KCNH8: variants seen among roughly 807,000 people sequenced by gnomAD.
The protein encoded by KCNH8 is voltage-gated delayed rectifier potassium channel KCNH8.
KCNH8 carries 70 observed loss-of-function variants against 103.6 expected under a neutral mutation model. That is an observed-to-expected ratio of 0.68 (90% CI 0.56 to 0.82). The LOEUF (loss-of-function observed/expected upper bound fraction) is 0.82, where lower values mean the gene tolerates loss of function less well. KCNH8 is among the 40% of genes least tolerant of loss of function. The pLI is 0.00. For missense variants in KCNH8, 1,217 were observed against 1,329.9 expected (o/e 0.92, Z 1.32); for synonymous variants, 498 against 489.4 (o/e 1.02, Z -0.23).
chr3:19,467,153 G>C lies in KCNH8; in HGVS notation c.2040+10171G>C, dbSNP rs114716113. On this transcript the variant is annotated intron_variant, in intron 11 of 15. Transcript: ENST00000328405. The stretch of plus-strand genomic sequence containing the variant: ...TTTGGAAGTGGTCTGAGGTATGCCT[G>C]TATCATAACTCAGTTTCAGGGGATT... 9.4e-3 allele frequency among the ~76,000 whole-genome samples: 1,437 copies of C among 152,164 alleles called. 16 individuals are homozygous for C. The highest frequency in any genetic ancestry group is 0.032 in the African/African-American group (1,329 of 41,492).
At chr3:19,480,741 A>G (rs1349520082) in intron 11 of KCNH8, among the ~76,000 whole-genome samples, 5 of 152,202 alleles carry the variant, frequency 3.3e-5, no homozygotes, top group Non-Finnish European at 5.9e-5. Flanking sequence ...GTTTGAGAAA[A>G]AAAGAGTTGT....
At chr3:19,454,500 A>G (rs1427989245) in intron 10 of KCNH8, among the ~76,000 whole-genome samples, 1 of 152,124 alleles carries the variant, frequency 6.6e-6, no homozygotes, top group Non-Finnish European at 1.5e-5. Flanking sequence ...CTAAACAGAC[A>G]TAATGTGTAT....
intron 1 of KCNH8, among the ~76,000 whole-genome samples, chr3:19,180,861 G>A (rs1383325876): frequency 6.6e-6 from 1 of 152,052 alleles, no homozygotes; most frequent in Non-Finnish European, 1.5e-5. Context: ...CTGCTCACAA[G>A]TAATTGTCAT....
chr3:19,429,162 CTTTTTTTTTTTT>C (rs575154927), intron 7 of KCNH8, among the ~76,000 whole-genome samples: 2 of 89,878 alleles, frequency 2.2e-5, no homozygotes, highest in Admixed American at 1.3e-4. Flanking sequence ...AGAATCCACT[CTTTTTTTTTTTT>C]TTTTTTTTTT....
At chr3:19,328,188 A>C (rs114046943) in intron 3 of KCNH8, among the ~76,000 whole-genome samples, 1 of 152,266 alleles carries the variant, frequency 6.6e-6, no homozygotes, top group African/African-American at 2.4e-5. Context: ...CTGTTCTCTT[A>C]TGCTGGATGC....
chr3:19,415,103 A>G (rs2079427921), intron 7 of KCNH8, among the ~76,000 whole-genome samples: 1 of 151,966 alleles, frequency 6.6e-6, no homozygotes, highest in Non-Finnish European at 1.5e-5. Flanking sequence ...AATATTTGGC[A>G]TTATTTTGTC....
At chr3:19,466,499 A>C (rs1367090120) in intron 11 of KCNH8, among the ~76,000 whole-genome samples, 1 of 151,924 alleles carries the variant, frequency 6.6e-6, no homozygotes, top group Non-Finnish European at 1.5e-5. Flanking sequence ...TTGTTGTTTT[A>C]TTTTCAGAAA....
At chr3:19,453,967 A>ACC (rs1278278451) in intron 10 of KCNH8, among the ~76,000 whole-genome samples, 20 of 152,118 alleles carry the variant, frequency 1.3e-4, no homozygotes, top group Admixed American at 5.9e-4. Flanking sequence ...ACTTAGAGTA[A>ACC]AGGTAGGGTT....
chr3:19,259,092 T>C (rs1434056828), intron 2 of KCNH8, among the ~76,000 whole-genome samples: 1 of 150,748 alleles, frequency 6.6e-6, no homozygotes, highest in Non-Finnish European at 1.5e-5. Context: ...TGAGTTTTGA[T>C]AAGGTTGTGG....
At chr3:19,286,215 C>T (rs1044738807) in intron 3 of KCNH8, among the ~76,000 whole-genome samples, 2 of 152,152 alleles carry the variant, frequency 1.3e-5, no homozygotes, top group African/African-American at 2.4e-5. Context: ...TGAACTGATT[C>T]GTGTCACTCC....
intron 1 of KCNH8, among the ~76,000 whole-genome samples, chr3:19,204,617 G>A (rs2063695960): frequency 6.6e-6 from 1 of 151,710 alleles, no homozygotes; most frequent in African/African-American, 2.4e-5. Context: ...AGGTTGGGGA[G>A]GGAAGCATAA....
At chr3:19,532,451 G>T (rs1291590276) in intron 15 of KCNH8, among the ~76,000 whole-genome samples, 1 of 152,086 alleles carries the variant, frequency 6.6e-6, no homozygotes, top group Non-Finnish European at 1.5e-5. Flanking sequence ...AGCAAATCTG[G>T]TATGAGTTAT....
rs1408217403 is a variant in KCNH8, at chr3:19,347,799, G to A, written c.645G>A (p.Leu215=). 6.2e-6 allele frequency: 10 copies of A among 1,613,224 alleles called. No individual in the cohort carries two copies. The highest frequency in any genetic ancestry group is 5.0e-5 in the Admixed American group (3 of 59,916). ...CAAAAAAGTCCAAATTCATACTTCTGCATTTTAGCACTTTTAAAGCTGGCT... is the reference window on the plus strand; with the variant it reads ...CAAAAAAGTCCAAATTCATACTTCTACATTTTAGCACTTTTAAAGCTGGCT... ...SDAKKSKFIL[L]HFSTFKAGWD... Residue 215 remains leucine, a synonymous_variant, in exon 5 of 16, where the codon CTG becomes CTA. Coordinates refer to ENST00000328405, the MANE Select transcript of KCNH8 (RefSeq NM_144633.3).
chr3:19,255,612 A>T (rs2064336714), intron 2 of KCNH8, among the ~76,000 whole-genome samples: 1 of 152,140 alleles, frequency 6.6e-6, no homozygotes, highest in African/African-American at 2.4e-5. Context: ...CCTGTGTAAC[A>T]AACCTGCACA....
intron 3 of KCNH8, among the ~76,000 whole-genome samples, 181 bp downstream of exon 3, chr3:19,281,510 C>G (rs554456920): frequency 4.3e-4 from 66 of 152,146 alleles, no homozygotes; most frequent in African/African-American, 1.5e-3. Flanking sequence ...TACATTCTAT[C>G]GTCTTTATAA....
chr3:19,392,688 C>G (rs2066456576), intron 6 of KCNH8, among the ~76,000 whole-genome samples: 1 of 152,034 alleles, frequency 6.6e-6, no homozygotes, highest in African/African-American at 2.4e-5. Flanking sequence ...GGCTTTGGCT[C>G]TGCTCACAAT....
intron 6 of KCNH8, among the ~76,000 whole-genome samples, chr3:19,393,487 G>A (rs2066469493): frequency 6.6e-6 from 1 of 152,018 alleles, no homozygotes; most frequent in Non-Finnish European, 1.5e-5. Flanking sequence ...AAAATGGGGA[G>A]ACTGTATCAA....
intron 5 of KCNH8, among the ~76,000 whole-genome samples, chr3:19,352,901 G>C (rs1575548918): frequency 1.3e-5 from 2 of 151,322 alleles, no homozygotes; most frequent in South Asian, 4.2e-4. Flanking sequence ...AGCTAAAGGA[G>C]ATAGAGACAC....
rs2065675349 is a variant in KCNH8, at chr3:19,342,583, CCAGA to C, written c.443-1_445del. On this transcript the variant is annotated splice_acceptor_variant and splice_polypyrimidine_tract_variant and coding_sequence_variant and intron_variant, in exon 4 of 16. Coordinates refer to ENST00000328405, the MANE Select transcript of KCNH8 (RefSeq NM_144633.3). LOFTEE classifies it high-confidence loss of function. ...TGTGTCTAATGAGTTTTATTTTCCC[CCAGA>C]CAAAGTCAAAGGAAGATCAAGAGCA... 1.2e-6 allele frequency: 2 copies of C among 1,607,980 alleles called. No homozygotes were observed. Among genetic ancestry groups the C allele is most frequent in the South Asian group, 1.1e-5 (1 of 90,780 alleles).
Sources: gnomAD v4.1 joint callset for allele counts (sites outside exome capture counted in the v4.1 genomes callset) on GRCh38, gnomAD v4.1.1 for gene constraint, MANE v1.5 for transcripts, NCBI Gene and HGNC (gene_info 2026-07-23, HGNC 2026-07-21) for gene names.